The following EZH2 variants were observed in gnomAD, a reference collection of about 807,000 sequenced individuals.
EZH2 encodes the protein enhancer of zeste 2 polycomb repressive complex 2 subunit, also known as histone-lysine N-methyltransferase EZH2.
In EZH2, 18 loss-of-function variants were observed where a neutral mutation model predicts 98.4. The observed-to-expected ratio is 0.18, with a 90% CI of 0.13 to 0.27. The LOEUF is 0.27. Ranked by LOEUF, EZH2 falls within the 10% of genes least tolerant of loss-of-function variation. The pLI is 1.00. For synonymous variants in EZH2, 338 were observed against 312.3 expected (o/e 1.08, Z -0.87); for missense variants, 470 against 935.1 (o/e 0.50, Z 6.49).
intron 12 of EZH2, 117 bp downstream of exon 12, chr7:148,816,566 GC>G: frequency 1.5e-6 from 1 of 661,270 alleles, no homozygotes; most frequent in Non-Finnish European, 2.7e-6. Flanking sequence ...GTTTTTGATG[GC>G]AGTTTAAGGT....
chr7:148,878,949 G>C (rs1820553149), intron 1 of EZH2, among the ~76,000 whole-genome samples: 1 of 151,988 alleles, frequency 6.6e-6, no homozygotes, highest in South Asian at 2.1e-4. Context: ...GGCCAGGCGT[G>C]CGCAGTAGCT....
intron 3 of EZH2, among the ~76,000 whole-genome samples, chr7:148,835,618 CTT>C (rs1442264573): frequency 6.6e-6 from 1 of 151,414 alleles, no homozygotes; most frequent in Non-Finnish European, 1.5e-5. Context: ...TATCCAGTGA[CTT>C]AAAGTACAAA....
intron 3 of EZH2, among the ~76,000 whole-genome samples, chr7:148,841,429 A>G (rs1812406462): frequency 6.6e-6 from 1 of 152,206 alleles, no homozygotes; most frequent in Admixed American, 6.5e-5. Context: ...GCAAGGAGCT[A>G]CAGAAAGCAA....
chr7:148,860,621 A>G (rs1480520410), intron 1 of EZH2, among the ~76,000 whole-genome samples: 1 of 152,232 alleles, frequency 6.6e-6, no homozygotes, highest in East Asian at 1.9e-4. Flanking sequence ...ATAGCTATTA[A>G]CATTTAACAT....
chr7:148,824,607 A>G (rs987243160), intron 8 of EZH2, among the ~76,000 whole-genome samples: 1 of 152,208 alleles, frequency 6.6e-6, no homozygotes, highest in Non-Finnish European at 1.5e-5. Flanking sequence ...TAATGCCAAA[A>G]TCACCTAACA....
chr7:148,808,932 GTAACCTA>G, intron 19 of EZH2, 132 bp downstream of exon 19: 1 of 643,188 alleles, frequency 1.6e-6, no homozygotes, highest in Non-Finnish European at 2.8e-6. Flanking sequence ...ACAGGAAAGT[GTAACCTA>G]ATTCCCCACT....
At chr7:148,881,007 A>G (rs901435567) in intron 1 of EZH2, among the ~76,000 whole-genome samples, 3 of 152,246 alleles carry the variant, frequency 2.0e-5, no homozygotes, top group Non-Finnish European at 4.4e-5. Context: ...TAAAGTATGT[A>G]TCATCTGACC....
chr7:148,826,971 GTATT>G (rs1262330001), intron 7 of EZH2, among the ~76,000 whole-genome samples, 189 bp downstream of exon 7: 6 of 152,180 alleles, frequency 3.9e-5, no homozygotes, highest in Admixed American at 3.9e-4. Context: ...TTATACATAT[GTATT>G]TATTCTATCT....
At chr7:148,879,109 C>T (rs570107361) in intron 1 of EZH2, among the ~76,000 whole-genome samples, 1 of 151,168 alleles carries the variant, frequency 6.6e-6, no homozygotes, top group African/African-American at 2.4e-5. Context: ...CCCGTAATCC[C>T]AGCTACTCGG....
intron 1 of EZH2, among the ~76,000 whole-genome samples, chr7:148,852,103 T>C (rs1216738216): frequency 6.6e-6 from 1 of 152,162 alleles, no homozygotes; most frequent in East Asian, 1.9e-4. Flanking sequence ...AACAAAAGTC[T>C]ACCTGTATAC....
chr7:148,865,093 C>A (rs1818251186), intron 1 of EZH2, among the ~76,000 whole-genome samples: 1 of 148,016 alleles, frequency 6.8e-6, no homozygotes, highest in Admixed American at 6.8e-5. Context: ...CGCCACTGCT[C>A]TTCAGCCTGG....
chr7:148,819,967 A>G (rs1002312172), intron 8 of EZH2, among the ~76,000 whole-genome samples: 3 of 152,194 alleles, frequency 2.0e-5, no homozygotes, highest in African/African-American at 7.2e-5. Flanking sequence ...GCGCATAACT[A>G]TGGTTATAAA....
At chr7:148,808,539 G>A (rs1231661637) in intron 19 of EZH2, among the ~76,000 whole-genome samples, 1 of 152,240 alleles carries the variant, frequency 6.6e-6, no homozygotes, top group African/African-American at 2.4e-5. Flanking sequence ...TAACCACACA[G>A]ATACCATTGG....
intron 1 of EZH2, among the ~76,000 whole-genome samples, chr7:148,860,334 A>G (rs1258035712): frequency 8.6e-5 from 1 of 11,582 alleles, no homozygotes; most frequent in Non-Finnish European, 1.5e-4. Context: ...GCATAGAAGA[A>G]AAAAAAAAAA....
At position 148,826,573 on chromosome 7, in the gene EZH2, T is replaced by C; in HGVS notation, c.788A>G (p.Asn263Ser). 1.3e-6 allele frequency: 2 copies of C among 1,583,422 alleles called. No homozygotes were observed. Among genetic ancestry groups the C allele is most frequent in the Non-Finnish European group, 1.7e-6 (2 of 1,161,704 alleles). Residue 263 changes from asparagine to serine, a missense_variant, in exon 8 of 20, where the codon AAC becomes AGC. By Grantham distance (46) the Asn-to-Ser change is conservative. This residue lies in a region of EZH2 where 192 missense variants were observed against 306.8 expected (regional missense o/e 0.63). Transcript: ENST00000320356. ...AGATTTAGCATTTGGTCCATCTATG[T>C]TGGGGGTACATTCAGGAGGAAGTGC... is the stretch of plus-strand genomic sequence containing the variant. ...PGALPPECTP[N>S]IDGPNAKSVQ...
At chr7:148,819,866 C>T (rs1284537899) in intron 8 of EZH2, among the ~76,000 whole-genome samples, 179 bp from the exon 9 acceptor site, 2 of 152,178 alleles carry the variant, frequency 1.3e-5, no homozygotes, top group Non-Finnish European at 2.9e-5. Context: ...TTCTCCATTC[C>T]TCCTCCTCCA....
At chr7:148,847,855 A>G (rs1168468945) in intron 1 of EZH2, among the ~76,000 whole-genome samples, 1 of 152,248 alleles carries the variant, frequency 6.6e-6, no homozygotes, top group African/African-American at 2.4e-5. Context: ...ACACTGTGAT[A>G]AAGTCTGTAT....
intron 10 of EZH2, 142 bp downstream of exon 10, chr7:148,817,735 C>G (rs1477208894): frequency 8.4e-7 from 1 of 1,189,784 alleles, no homozygotes; most frequent in Non-Finnish European, 1.2e-6. Context: ...AGAAACAACA[C>G]AGCTACACAT....
intron 19 of EZH2, among the ~76,000 whole-genome samples, chr7:148,808,422 G>C (rs1405920817): frequency 1.3e-5 from 2 of 152,368 alleles, no homozygotes; most frequent in East Asian, 3.9e-4. Context: ...CGGGGCTACA[G>C]GAGTTCATTA....
Sources: allele counts gnomAD v4.1 joint callset (sites outside exome capture counted in the v4.1 genomes callset), GRCh38; gene constraint gnomAD v4.1.1; regional missense constraint gnomAD v4.1.1; transcripts MANE v1.5; gene names NCBI Gene and HGNC (gene_info 2026-07-23, HGNC 2026-07-21).